The following GALNT17 variants were observed in gnomAD, a reference collection of about 807,000 sequenced individuals.
GALNT17 encodes the protein polypeptide N-acetylgalactosaminyltransferase 17.
Under a neutral mutation model 63.7 loss-of-function variants are expected in GALNT17, and 29 were observed. The observed-to-expected ratio is 0.46, with a 90% confidence interval of 0.34 to 0.62. The LOEUF is 0.62. Among genes scored for constraint, GALNT17 ranks in the 20% least tolerant of loss-of-function variants. GALNT17 has a pLI of 0.01. For synonymous variants in GALNT17, 305 were observed against 318.3 expected (o/e 0.96, Z 0.45); for missense variants, 603 against 799.6 (o/e 0.75, Z 2.97).
At chr7:71,209,761 G>A (rs1388680330) in intron 1 of GALNT17, among the ~76,000 whole-genome samples, 2 of 152,114 alleles carry the variant, frequency 1.3e-5, no homozygotes, top group African/African-American at 4.8e-5. Flanking sequence ...GGAAGAAAAA[G>A]AGGTTTAATC....
chr7:71,380,408 C>A (rs1236215267), intron 2 of GALNT17, among the ~76,000 whole-genome samples: 1 of 151,446 alleles, frequency 6.6e-6, no homozygotes, highest in East Asian at 1.9e-4. Context: ...CCATCATGGC[C>A]CCCAGCAGCC....
chr7:71,707,188 G>A (rs1488612762), intron 9 of GALNT17, among the ~76,000 whole-genome samples: 1 of 152,114 alleles, frequency 6.6e-6, no homozygotes, highest in Non-Finnish European at 1.5e-5. Context: ...GGCAACAGCT[G>A]TGTAGATGTG....
At chr7:71,265,558 A>G (rs1008418985) in intron 1 of GALNT17, among the ~76,000 whole-genome samples, 7 of 152,220 alleles carry the variant, frequency 4.6e-5, no homozygotes, top group African/African-American at 1.7e-4. Flanking sequence ...GGTTTGACAG[A>G]GGTGGTGGTA....
chr7:71,503,558 T>C (rs1344583914), intron 5 of GALNT17, among the ~76,000 whole-genome samples: 1 of 152,150 alleles, frequency 6.6e-6, no homozygotes, highest in East Asian at 1.9e-4. Flanking sequence ...TCTGAGCTCC[T>C]GACCCATAGA....
rs76075934 is a variant in GALNT17 at position 71,595,856 on chromosome 7, G to T, written c.1080+24454G>T. On this transcript the variant is annotated intron_variant, in intron 6 of 10. Coordinates refer to ENST00000333538, the MANE Select transcript of GALNT17 (RefSeq NM_022479.3). Reference sequence around the variant, plus strand: ...CATGACACGCAGGAAGATTGTGGGGGATGAGATTTATACTAATGTAGTTGT... The same window carrying T: ...CATGACACGCAGGAAGATTGTGGGGTATGAGATTTATACTAATGTAGTTGT... Among the ~76,000 whole-genome samples, 469 of 152,226 alleles carry T rather than the reference G, an allele frequency of 3.1e-3. 1 individual carries two copies. Among genetic ancestry groups the T allele is most frequent in the African/African-American group, 0.011 (457 of 41,532 alleles).
intron 5 of GALNT17, among the ~76,000 whole-genome samples, chr7:71,544,377 C>T (rs1788946686): frequency 6.7e-6 from 1 of 149,290 alleles, no homozygotes; most frequent in Non-Finnish European, 1.5e-5. Flanking sequence ...CTCCTGACCT[C>T]GTGATCCACC....
intron 2 of GALNT17, among the ~76,000 whole-genome samples, chr7:71,337,773 C>G (rs1563014512): frequency 6.6e-6 from 1 of 151,802 alleles, no homozygotes. Context: ...GAGGCTGAGG[C>G]AGGAAAATCA....
chr7:71,671,235 A>G (rs922212169), intron 8 of GALNT17, among the ~76,000 whole-genome samples: 2 of 152,118 alleles, frequency 1.3e-5, no homozygotes, highest in Admixed American at 6.6e-5. Flanking sequence ...TTTGAGATGG[A>G]ATCGGTGACA....
intron 2 of GALNT17, among the ~76,000 whole-genome samples, chr7:71,349,133 T>C (rs1340113202): frequency 2.6e-5 from 4 of 152,212 alleles, no homozygotes; most frequent in Non-Finnish European, 5.9e-5. Flanking sequence ...GCCTTTGCAA[T>C]CACAACGCCT....
intron 5 of GALNT17, among the ~76,000 whole-genome samples, chr7:71,508,712 G>A (rs556012756): frequency 9.9e-4 from 151 of 152,144 alleles, no homozygotes; most frequent in African/African-American, 3.4e-3. Flanking sequence ...GGGGGCCAAA[G>A]GGACCCTGGA....
At chr7:71,637,823 G>A (rs1037908449) in intron 6 of GALNT17, among the ~76,000 whole-genome samples, 12 of 152,138 alleles carry the variant, frequency 7.9e-5, no homozygotes, top group African/African-American at 2.7e-4. Flanking sequence ...AAGGGGTCCC[G>A]ATCCAGAGGC....
chr7:71,677,186 G>A (rs1029015610), intron 8 of GALNT17, 25 bp from the exon 9 acceptor site: 4 of 1,612,712 alleles, frequency 2.5e-6, no homozygotes, highest in Middle Eastern at 1.7e-4. Context: ...AGCTCTCATG[G>A]GTCGTGTTTT....
intron 8 of GALNT17, among the ~76,000 whole-genome samples, chr7:71,674,867 T>C (rs1431286650): frequency 6.6e-6 from 1 of 152,108 alleles, no homozygotes; most frequent in African/African-American, 2.4e-5. Flanking sequence ...TTAGCAGTTA[T>C]CTCTGAATCC....
intron 9 of GALNT17, among the ~76,000 whole-genome samples, chr7:71,700,301 T>TG (rs1791612606): frequency 8.1e-6 from 1 of 123,340 alleles, no homozygotes; most frequent in Non-Finnish European, 1.8e-5. Flanking sequence ...TAGTGAGACT[T>TG]TCTCAAAAAA....
chr7:71,615,285 C>G (rs1248892660), intron 6 of GALNT17, among the ~76,000 whole-genome samples: 3 of 152,086 alleles, frequency 2.0e-5, no homozygotes, highest in African/African-American at 7.2e-5. Context: ...TTCCACTCTG[C>G]TAGCCTGCTG....
chr7:71,262,341 C>T (rs1790400071), intron 1 of GALNT17, among the ~76,000 whole-genome samples: 3 of 152,182 alleles, frequency 2.0e-5, no homozygotes, highest in East Asian at 3.9e-4. Flanking sequence ...GTCTCAAAGT[C>T]CCGGCCTCAA....
At chr7:71,648,324 A>G (rs947636786) in intron 6 of GALNT17, among the ~76,000 whole-genome samples, 20 of 150,918 alleles carry the variant, frequency 1.3e-4, no homozygotes, top group African/African-American at 4.9e-4. Flanking sequence ...AGGCTGGAGT[A>G]CAGTGGCTCA....
At chr7:71,417,614 C>T (rs983043959) in intron 4 of GALNT17, among the ~76,000 whole-genome samples, 1 of 152,170 alleles carries the variant, frequency 6.6e-6, no homozygotes, top group Admixed American at 6.5e-5. Flanking sequence ...TGAGATCCAG[C>T]GATCTGTTGT....
chr7:71,651,308 CTTTT>C (rs113437232), intron 6 of GALNT17, among the ~76,000 whole-genome samples: 1 of 133,910 alleles, frequency 7.5e-6, no homozygotes. Flanking sequence ...ACTTTTTAGG[CTTTT>C]TTTTTTTTTG....
Sources: allele counts gnomAD v4.1 joint callset (sites outside exome capture counted in the v4.1 genomes callset), GRCh38; gene constraint gnomAD v4.1.1; transcripts MANE v1.5; gene names NCBI Gene and HGNC (gene_info 2026-07-23, HGNC 2026-07-21).